PLEKHA1: variants seen among roughly 807,000 people sequenced by gnomAD.
PLEKHA1 encodes the protein pleckstrin homology domain containing A1.
In PLEKHA1, 34 loss-of-function variants were observed where a neutral mutation model predicts 52.0. That is an observed-to-expected ratio of 0.65 (90% confidence interval 0.50 to 0.87). The LOEUF (loss-of-function observed/expected upper bound fraction) is 0.87, where lower values mean the gene tolerates loss of function less well. Ranked by LOEUF, PLEKHA1 falls within the 40% of genes least tolerant of loss-of-function variation. PLEKHA1 has a pLI of 0.00. For missense variants in PLEKHA1, 497 were observed against 504.2 expected (o/e 0.99, Z 0.14); for synonymous variants, 163 against 170.7 (o/e 0.95, Z 0.35).
At chr10:122,428,250 A>G (rs1241295844) in intron 11 of PLEKHA1, 19 of 1,518,738 alleles carry the variant, frequency 1.3e-5, no homozygotes, top group African/African-American at 8.3e-5. Context: ...GGTTAACTCT[A>G]ATCTTAGCTT....
intron 8 of PLEKHA1, chr10:122,422,123 TA>T (rs1291653069): frequency 6.6e-6 from 1 of 151,956 alleles, no homozygotes; most frequent in African/African-American, 2.4e-5. Flanking sequence ...ACCCATAGAA[TA>T]AAAATGAGTC....
rs1051019681 is a variant in PLEKHA1 at position 122,393,055 on chromosome 10, G to A, written c.-20-126G>A. On this transcript the variant is annotated intron_variant, in intron 1 of 11. Transcript: ENST00000368990. This position sits in a 1 kb window ranked among gnomAD's most constrained non-coding sequence, Gnocchi z 4.5. The stretch of plus-strand genomic sequence containing the variant: ...TTTTGTCAATGCCTCAGATGTTGGT[G>A]TGTGTTCATTTTAATTGACCTTACC... The A allele has an allele frequency of 3.2e-6, 2 of 620,300 alleles. No individual in the cohort carries two copies. Among genetic ancestry groups the A allele is most frequent in the Non-Finnish European group, 2.6e-6 (1 of 381,816 alleles). 38.4% of individuals were successfully genotyped at this position (620,300 alleles called of 1,614,324 possible). A position where few individuals can be genotyped will look rare whatever the true frequency, so the allele number is the denominator to read the frequency against.
In PLEKHA1 at chr10:122,393,317, C is replaced by A; in HGVS notation, c.117C>A (p.Phe39Leu). 1 of 1,611,450 alleles carries A rather than the reference C, an allele frequency of 6.2e-7. No homozygotes were observed. Among genetic ancestry groups the A allele is most frequent in the Non-Finnish European group, 8.5e-7 (1 of 1,178,882 alleles). The part of the protein sequence containing the change: ...YFILDTREDS[F>L]VWYMDNPQNL... ...TACTGGATACCAGAGAAGATAGTTTCGTGTGGTACATGGATAATCCACAGG... is the reference window on the plus strand; with the variant it reads ...TACTGGATACCAGAGAAGATAGTTTAGTGTGGTACATGGATAATCCACAGG... The change falls in exon 2 of 12, where the codon TTC becomes TTA. Residue 39 changes from phenylalanine (F) to leucine (L), a missense_variant. Phe to Leu is a conservative substitution (Grantham distance 22). Coordinates refer to ENST00000368990, the MANE Select transcript of PLEKHA1 (RefSeq NM_001001974.4). This position sits in a 1 kb window ranked among gnomAD's most constrained non-coding sequence, Gnocchi z 4.5.
chr10:122,376,371 A>C (rs1033228063), intron 1 of PLEKHA1, among the ~76,000 whole-genome samples: 1 of 151,822 alleles, frequency 6.6e-6, no homozygotes, highest in African/African-American at 2.4e-5. Flanking sequence ...AGTTTGACAG[A>C]ATTTGAATTA....
At position 122,430,526 on chromosome 10, in the gene PLEKHA1, T is replaced by G. The variant is rs2097407172; in HGVS notation, c.*588T>G. On this transcript the variant is annotated 3_prime_UTR_variant, in exon 12 of 12. Transcript: ENST00000368990. ...ATAGAGGATATGGATAGACCAACAG[T>G]AAGGGTTGTGGGTTATACCGGCATA... is the stretch of plus-strand genomic sequence containing the variant. 6.5e-6 allele frequency: 1 copy of G among 152,686 alleles called. No individual in the cohort carries two copies. Among genetic ancestry groups the G allele is most frequent in the Admixed American group, 6.5e-5 (1 of 15,280 alleles). 9.5% of individuals were successfully genotyped at this position (152,686 alleles called of 1,614,324 possible).
chr10:122,414,341 C>T (rs904766807), intron 6 of PLEKHA1, among the ~76,000 whole-genome samples: 1 of 151,938 alleles, frequency 6.6e-6, no homozygotes, highest in Non-Finnish European at 1.5e-5. Flanking sequence ...TCAGTAGTTT[C>T]TAGGATTTTA....
At chr10:122,387,488 CAT>C (rs2096716301) in intron 1 of PLEKHA1, 2 of 152,126 alleles carry the variant, frequency 1.3e-5, no homozygotes, top group Admixed American at 6.5e-5. Context: ...AAAATTCTGA[CAT>C]ATATTTGTTT....
chr10:122,433,267 G>A (rs557300339), downstream of PLEKHA1: 1 of 152,284 alleles, frequency 6.6e-6, no homozygotes, highest in Admixed American at 6.5e-5. Flanking sequence ...GCTGAATGAC[G>A]ACTTAAAGAT....
chr10:122,406,761 T>TA (rs1254362744), intron 5 of PLEKHA1, 88 bp downstream of exon 5: 1 of 970,560 alleles, frequency 1.0e-6, no homozygotes. Flanking sequence ...GTTCCCAGCT[T>TA]ACCAACAGGT....
At chr10:122,412,805 T>C in intron 5 of PLEKHA1, 115 bp from the exon 6 acceptor site, 1 of 1,126,774 alleles carries the variant, frequency 8.9e-7, no homozygotes, top group Non-Finnish European at 1.3e-6. Flanking sequence ...ACTATAATTT[T>C]TATATGTATC....
intron 4 of PLEKHA1, among the ~76,000 whole-genome samples, chr10:122,406,211 C>A (rs2097012594): frequency 6.6e-6 from 1 of 152,116 alleles, no homozygotes; most frequent in Admixed American, 6.5e-5. Flanking sequence ...TTTGACCCAA[C>A]AAATCTATGT....
Position 122,397,429 on chromosome 10 carries a change from A to G in PLEKHA1, c.142-489A>G, listed in dbSNP as rs577474564. Among the ~76,000 whole-genome samples, 11 of 152,242 alleles carry G rather than the reference A, an allele frequency of 7.2e-5. No homozygotes were observed. The South Asian group carries it at 1.2e-3, about 17-fold the overall frequency. ...TTTTTTTGTGGAAAAAAAAGTATCA[A>G]TGTAGATTAATATGGCATAAAAAAC... On this transcript the variant is annotated intron_variant, in intron 2 of 11. Transcript: ENST00000368990.
chr10:122,378,739 CAAA>C (rs5788545), intron 1 of PLEKHA1, among the ~76,000 whole-genome samples: 2 of 101,848 alleles, frequency 2.0e-5, no homozygotes, highest in African/African-American at 4.1e-5. Flanking sequence ...ACCCTGTCTC[CAAA>C]AAAAAAAAAA....
chr10:122,429,577 C>G lies in PLEKHA1; in HGVS notation c.901-47C>G, dbSNP rs371343545. On this transcript the variant is annotated intron_variant, in intron 11 of 11. Coordinates refer to ENST00000368990, the MANE Select transcript of PLEKHA1 (RefSeq NM_001001974.4). ...TCAAGTCTCACACTGAGTTACTAAC[C>G]TGGTCATGAGTGACTGACCGTGTCT... 2.3e-5 allele frequency: 36 copies of G among 1,551,304 alleles called. 1 individual carries two copies. The African/African-American group carries it at 4.5e-4, about 19-fold the overall frequency.
chr10:122,434,452 A>T (rs575123839), downstream of PLEKHA1: 1 of 152,274 alleles, frequency 6.6e-6, no homozygotes, highest in African/African-American at 2.4e-5. Context: ...ATGTGACTTT[A>T]GGCAAGTGTG....
chr10:122,435,844 A>G (rs2097435574), downstream of PLEKHA1: 1 of 151,884 alleles, frequency 6.6e-6, no homozygotes, highest in South Asian at 2.1e-4. Flanking sequence ...ACTTGAGCTT[A>G]GGGGTTTGAG....
At chr10:122,401,138 G>A (rs1417363576) in intron 4 of PLEKHA1, among the ~76,000 whole-genome samples, 2 of 152,170 alleles carry the variant, frequency 1.3e-5, no homozygotes, top group African/African-American at 4.8e-5. Flanking sequence ...CTTGTGGGGA[G>A]AAGAGCGTGG....
rs1434866746 is a variant in PLEKHA1 at position 122,390,003 on chromosome 10, C to T, written c.-20-3178C>T. 5.3e-5 allele frequency among the ~76,000 whole-genome samples: 8 copies of T among 152,210 alleles called. No individual in the cohort carries two copies. In the East Asian group the frequency reaches 1.4e-3, roughly 26 times the overall value. ...GAAGACTTTCACATACATTCAAAAT[C>T]TCTTTACTGTACCCACCTCCTTGAT... On this transcript the variant is annotated intron_variant, in intron 1 of 11. Transcript: ENST00000368990.
intron 1 of PLEKHA1, among the ~76,000 whole-genome samples, chr10:122,386,441 TTTTCA>T (rs1190778762): frequency 2.0e-5 from 3 of 152,170 alleles, no homozygotes; most frequent in African/African-American, 7.2e-5. Context: ...ATGGCTTGTC[TTTTCA>T]TTTCTTTATG....
Sources: allele counts gnomAD v4.1 joint callset (sites outside exome capture counted in the v4.1 genomes callset), GRCh38; gene constraint gnomAD v4.1.1; non-coding constraint Gnocchi (gnomAD v3.1); transcripts MANE v1.5; gene names NCBI Gene and HGNC (gene_info 2026-07-23, HGNC 2026-07-21).